The following QTRT2 variants were observed in gnomAD, a reference collection of about 807,000 sequenced individuals.
The protein encoded by QTRT2 is queuine tRNA-ribosyltransferase accessory subunit 2.
QTRT2 carries 32 observed loss-of-function variants against 44.8 expected under a neutral mutation model. That is an observed-to-expected ratio of 0.71 (90% CI 0.54 to 0.96). The LOEUF (loss-of-function observed/expected upper bound fraction) is 0.96. QTRT2 is among the 40% of genes least tolerant of loss of function. QTRT2 has a pLI of 0.00. For synonymous variants in QTRT2, 182 were observed against 187.4 expected (o/e 0.97, Z 0.24); for missense variants, 461 against 503.1 (o/e 0.92, Z 0.80).
chr3:114,063,049 A>G (rs115882625), intron 2 of QTRT2, among the ~76,000 whole-genome samples: 1 of 152,364 alleles, frequency 6.6e-6, no homozygotes, highest in African/African-American at 2.4e-5. Context: ...CGTATGTGAT[A>G]GTAGGAAATG....
At chr3:114,079,498 A>G (rs1237243390) in intron 7 of QTRT2, 1 of 164,002 alleles carries the variant, frequency 6.1e-6, no homozygotes, top group Non-Finnish European at 1.3e-5. Context: ...AGTTTGCGCC[A>G]TTGCACTCCA....
chr3:114,060,839 A>G (rs2076877625), intron 2 of QTRT2, among the ~76,000 whole-genome samples: 1 of 152,160 alleles, frequency 6.6e-6, no homozygotes. Context: ...AATAAGGGTA[A>G]CTTGAACATA....
chr3:114,065,562 C>T (rs1264158054), intron 3 of QTRT2, 105 bp downstream of exon 3: 6 of 841,286 alleles, frequency 7.1e-6, no homozygotes, highest in East Asian at 2.7e-5. Flanking sequence ...TATAAATTGT[C>T]GATTTTCATA....
intron 6 of QTRT2, among the ~76,000 whole-genome samples, 180 bp from the exon 7 acceptor site, chr3:114,076,563 A>G (rs1266766307): frequency 6.6e-6 from 1 of 152,146 alleles, no homozygotes; most frequent in Non-Finnish European, 1.5e-5. Flanking sequence ...ATGTTTTTCA[A>G]AGTATGTTCC....
At chr3:114,077,190 T>TA (rs1353767068) in intron 7 of QTRT2, 8 of 494,666 alleles carry the variant, frequency 1.6e-5, no homozygotes, top group Non-Finnish European at 2.9e-5. Context: ...TTGATCCTCC[T>TA]AAGTGAGAGC....
At chr3:114,067,633 C>T (rs2076971469) in intron 4 of QTRT2, among the ~76,000 whole-genome samples, 1 of 152,136 alleles carries the variant, frequency 6.6e-6, no homozygotes, top group Admixed American at 6.5e-5. Context: ...GCTAGTTCCC[C>T]TTGGATGGTA....
At chr3:114,059,403 A>G (rs900955599) in intron 2 of QTRT2, among the ~76,000 whole-genome samples, 1 of 152,228 alleles carries the variant, frequency 6.6e-6, no homozygotes, top group African/African-American at 2.4e-5. Flanking sequence ...TCCTTGGCAA[A>G]AAAGGAAATA....
At chr3:114,059,628 T>C (rs982925619) in intron 2 of QTRT2, among the ~76,000 whole-genome samples, 4 of 152,218 alleles carry the variant, frequency 2.6e-5, no homozygotes, top group South Asian at 2.1e-4. Context: ...AAAAAAAATA[T>C]TGATTTCCAG....
In QTRT2 at chr3:114,086,251, A is replaced by C. The variant is rs1328170326; in HGVS notation, c.*347A>C. On this transcript the variant is annotated 3_prime_UTR_variant, in exon 10 of 10. Coordinates refer to ENST00000281273, the MANE Select transcript of QTRT2 (RefSeq NM_024638.4). ...AGATTCTGAGGGACCCATGAATTGG[A>C]TTGAGGCTTGAGGGGAAATGGTGTG... 3.3e-6 allele frequency: 1 copy of C among 300,694 alleles called. No individual in the cohort carries two copies. Among genetic ancestry groups the C allele is most frequent in the Non-Finnish European group, 6.4e-6 (1 of 155,286 alleles). The allele number at this position is 300,694 out of a possible 1,614,324, so 18.6% of individuals were successfully genotyped here. A position where few individuals can be genotyped will look rare whatever the true frequency, so the allele number is the denominator to read the frequency against.
intron 6 of QTRT2, among the ~76,000 whole-genome samples, chr3:114,074,010 A>G (rs2077057629): frequency 6.6e-6 from 1 of 152,006 alleles, no homozygotes; most frequent in Non-Finnish European, 1.5e-5. Flanking sequence ...TCTTCTCCAT[A>G]TATTACCTGG....
At chr3:114,059,924 A>G (rs918640685) in intron 2 of QTRT2, among the ~76,000 whole-genome samples, 2 of 152,234 alleles carry the variant, frequency 1.3e-5, no homozygotes, top group African/African-American at 4.8e-5. Flanking sequence ...GAGTGGGTTC[A>G]GTATTCTAAG....
At chr3:114,069,283 ATTGT>A (rs1559953038) in intron 5 of QTRT2, among the ~76,000 whole-genome samples, 2 of 151,914 alleles carry the variant, frequency 1.3e-5, no homozygotes, top group East Asian at 3.9e-4. Flanking sequence ...ACGTGTAAAC[ATTGT>A]TACATAGGTA....
rs546600323 is a variant in QTRT2, at chr3:114,083,123, G to T, written c.1016+329G>T. 6 of 272,118 alleles carry T rather than the reference G, an allele frequency of 2.2e-5. No homozygotes were observed. In the South Asian group the frequency reaches 2.3e-4, roughly 10 times the overall value. The allele number at this position is 272,118 out of a possible 1,614,324, so 16.9% of individuals were successfully genotyped here. A position where few individuals can be genotyped will look rare whatever the true frequency, so the allele number is the denominator to read the frequency against. On this transcript the variant is annotated intron_variant, in intron 9 of 9. Coordinates refer to ENST00000281273, the MANE Select transcript of QTRT2 (RefSeq NM_024638.4). ...TAAAACAACAAAGTTTTAAATTGTAGGGTGCCTAAGCCATCTTTGTTAGAT... is the reference window on the plus strand; with the variant it reads ...TAAAACAACAAAGTTTTAAATTGTATGGTGCCTAAGCCATCTTTGTTAGAT...
At chr3:114,078,875 C>T (rs2077127333) in intron 7 of QTRT2, 1 of 152,178 alleles carries the variant, frequency 6.6e-6, no homozygotes, top group Non-Finnish European at 1.5e-5. Context: ...AAACCACCAT[C>T]TTATTCCACA....
At chr3:114,066,168 TAC>T in intron 3 of QTRT2, 58 bp from the exon 4 acceptor site, 1 of 1,242,406 alleles carries the variant, frequency 8.0e-7, no homozygotes, top group Non-Finnish European at 1.2e-6. Flanking sequence ...GCTCCAGTTG[TAC>T]AGAGTATTTA....
chr3:114,066,295 G>C lies in QTRT2; in HGVS notation c.256+12G>C. 1 of 1,525,174 alleles carries C rather than the reference G, an allele frequency of 6.6e-7. No individual in the cohort carries two copies. 94.5% of individuals were successfully genotyped at this position (1,525,174 alleles called of 1,614,324 possible). A position where few individuals can be genotyped will look rare whatever the true frequency, so the allele number is the denominator to read the frequency against. ...TGGAAAGTTTATAGGTAAAAATTAA[G>C]TTACTTATATGTGCCTTGTGATGTG... On this transcript the variant is annotated intron_variant, in intron 4 of 9. Transcript: ENST00000281273.
Position 114,056,981 on chromosome 3 carries a change from C to T in QTRT2, c.-129-18C>T, listed in dbSNP as rs1685862574. ...GGTGATTGTACTCCCGCCATGTCTC[C>T]TCTGCTTCCCTTTTCAGGGTGTCCT... On this transcript the variant is annotated intron_variant, in intron 1 of 9. Transcript: ENST00000281273. The T allele has an allele frequency of 7.6e-6, 11 of 1,453,966 alleles. No individual in the cohort carries two copies. In the South Asian group the frequency reaches 8.4e-5, roughly 11 times the overall value. 90.1% of individuals were successfully genotyped at this position (1,453,966 alleles called of 1,614,324 possible).
intron 6 of QTRT2, among the ~76,000 whole-genome samples, chr3:114,075,138 T>A (rs2077072362): frequency 6.6e-6 from 1 of 152,224 alleles, no homozygotes; most frequent in Non-Finnish European, 1.5e-5. Flanking sequence ...GTTGAAATGA[T>A]TTTTACTCTG....
At chr3:114,066,885 G>T (rs898549558) in intron 4 of QTRT2, among the ~76,000 whole-genome samples, 4 of 152,278 alleles carry the variant, frequency 2.6e-5, no homozygotes, top group Non-Finnish European at 4.4e-5. Context: ...TGAAGCGTTT[G>T]TATATGGCTG....
Sources: allele counts gnomAD v4.1 joint callset (sites outside exome capture counted in the v4.1 genomes callset), GRCh38; gene constraint gnomAD v4.1.1; transcripts MANE v1.5; gene names NCBI Gene and HGNC (gene_info 2026-07-23, HGNC 2026-07-21).